Variants in CCSER2 observed in about 807,000 individuals in gnomAD.
CCSER2 encodes the protein coiled-coil serine rich protein 2.
In CCSER2, 46 loss-of-function variants were observed where a neutral mutation model predicts 92.3. That is an observed-to-expected ratio of 0.50 (90% CI 0.39 to 0.64). CCSER2 has a LOEUF of 0.64. Among genes scored for constraint, CCSER2 ranks in the 30% least tolerant of loss-of-function variants. CCSER2 has a pLI of 0.00. For synonymous variants in CCSER2, 433 were observed against 431.4 expected (o/e 1.00, Z -0.04); for missense variants, 1,244 against 1,238.9 (o/e 1.00, Z -0.06).
chr10:84,514,843 G>A lies in CCSER2; in HGVS notation c.*576G>A, dbSNP rs1205508526. 6.5e-6 allele frequency: 1 copy of A among 152,692 alleles called. No individual in the cohort carries two copies. Among genetic ancestry groups the A allele is most frequent in the Non-Finnish European group, 1.5e-5 (1 of 68,122 alleles). The allele number at this position is 152,692 out of a possible 1,614,324, so 9.5% of individuals were successfully genotyped here. A position where few individuals can be genotyped will look rare whatever the true frequency, so the allele number is the denominator to read the frequency against. On this transcript the variant is annotated 3_prime_UTR_variant, in exon 10 of 10. Coordinates refer to ENST00000372088, the MANE Select transcript of CCSER2 (RefSeq NM_001284240.2). ...ATGTAAGTTTTATTTTTCCTTGCCAGGGTCAGTCAGCTAATGTTACTGTTG... is the reference window on the plus strand; with the variant it reads ...ATGTAAGTTTTATTTTTCCTTGCCAAGGTCAGTCAGCTAATGTTACTGTTG...
Position 84,514,165 on chromosome 10 carries a change from A to G in CCSER2, c.3042A>G (p.Thr1014=). ...QAKTSIPRPL[T]QRKEIMQNPN... is the part of the protein sequence containing the mutation. ...AGACAAGCATCCCAAGGCCACTAAC[A>G]CAACGAAAAGAAATCATGCAGAATC... The change falls in exon 10 of 10, where the codon ACA becomes ACG. Residue 1014 remains threonine (T), a synonymous_variant. Coordinates refer to ENST00000372088, the MANE Select transcript of CCSER2 (RefSeq NM_001284240.2). The G allele has an allele frequency of 6.5e-7, 1 of 1,536,370 alleles. No homozygotes were observed. Among genetic ancestry groups the G allele is most frequent in the South Asian group, 1.2e-5 (1 of 84,062 alleles).
chr10:84,390,122 A>C (rs1046341626), intron 3 of CCSER2, among the ~76,000 whole-genome samples: 5 of 152,160 alleles, frequency 3.3e-5, no homozygotes, highest in African/African-American at 1.2e-4. Flanking sequence ...ATTTATGTCC[A>C]CATTATTTAT....
At chr10:84,428,711 A>G (rs1247076875) in intron 5 of CCSER2, among the ~76,000 whole-genome samples, 1 of 152,084 alleles carries the variant, frequency 6.6e-6, no homozygotes, top group East Asian at 1.9e-4. Flanking sequence ...TATTTTAAAT[A>G]TTTTATTGTT....
intron 9 of CCSER2, among the ~76,000 whole-genome samples, chr10:84,503,079 C>T (rs371276847): frequency 2.0e-5 from 3 of 151,924 alleles, no homozygotes; most frequent in African/African-American, 4.8e-5. Flanking sequence ...GAAAAATTAG[C>T]GGGGCGTGGT....
intron 1 of CCSER2, among the ~76,000 whole-genome samples, chr10:84,358,788 C>T (rs1438186110): frequency 6.6e-6 from 1 of 151,988 alleles, no homozygotes; most frequent in Non-Finnish European, 1.5e-5. Flanking sequence ...TTTTCAGGTA[C>T]AGAAGTTCAT....
chr10:84,430,758 A>T (rs1843721409), intron 5 of CCSER2, among the ~76,000 whole-genome samples: 1 of 152,204 alleles, frequency 6.6e-6, no homozygotes. Flanking sequence ...TTTCTTTGAG[A>T]TTCAGCAGTT....
At chr10:84,384,551 G>T (rs1564618388) in intron 3 of CCSER2, among the ~76,000 whole-genome samples, 3 of 152,102 alleles carry the variant, frequency 2.0e-5, no homozygotes, top group African/African-American at 7.2e-5. Flanking sequence ...TGAAGAAAAA[G>T]CATTTGATAA....
intron 1 of CCSER2, among the ~76,000 whole-genome samples, chr10:84,352,691 A>G (rs1206257661): frequency 6.6e-6 from 1 of 152,086 alleles, no homozygotes; most frequent in Non-Finnish European, 1.5e-5. Flanking sequence ...GTGAACTTGG[A>G]CAAATTACTT....
intron 1 of CCSER2, among the ~76,000 whole-genome samples, chr10:84,356,216 A>T (rs546482306): frequency 2.5e-4 from 38 of 152,118 alleles, no homozygotes; most frequent in Non-Finnish European, 3.7e-4. Flanking sequence ...AAGCACAATG[A>T]GATATTTGAT....
intron 5 of CCSER2, among the ~76,000 whole-genome samples, chr10:84,436,881 T>TG (rs1394915484): frequency 6.6e-6 from 1 of 152,196 alleles, no homozygotes; most frequent in Admixed American, 6.5e-5. Flanking sequence ...AATTCAGAGA[T>TG]GTGGGAATAT....
intron 7 of CCSER2, among the ~76,000 whole-genome samples, chr10:84,467,279 A>G (rs1846501643): frequency 1.3e-5 from 2 of 152,114 alleles, no homozygotes; most frequent in Admixed American, 1.3e-4. Flanking sequence ...TTAGATTTAT[A>G]TCTTTAGTCC....
chr10:84,380,920 C>A (rs1169393097), intron 3 of CCSER2, among the ~76,000 whole-genome samples: 1 of 152,146 alleles, frequency 6.6e-6, no homozygotes, highest in African/African-American at 2.4e-5. Flanking sequence ...TGGTCTCGAT[C>A]TCCTGACCTC....
intron 9 of CCSER2, chr10:84,499,750 A>G (rs1283045250): frequency 1.9e-5 from 15 of 779,340 alleles, no homozygotes; most frequent in Non-Finnish European, 2.8e-5. Flanking sequence ...AAAAAAATGA[A>G]ATCTGTCTTC....
At chr10:84,406,838 G>A (rs556264628) in intron 3 of CCSER2, among the ~76,000 whole-genome samples, 17 of 152,144 alleles carry the variant, frequency 1.1e-4, no homozygotes, top group African/African-American at 4.1e-4. Context: ...CTGTAAAAAT[G>A]CAGTTTCTAC....
intron 1 of CCSER2, among the ~76,000 whole-genome samples, chr10:84,332,815 A>G (rs184259550): frequency 6.6e-6 from 1 of 152,168 alleles, no homozygotes. Context: ...AAGATAAAAG[A>G]AAAAAGTCAG....
Position 84,371,450 on chromosome 10 carries a change from C to T in CCSER2, c.398C>T (p.Ser133Leu). 1 of 1,613,776 alleles carries T rather than the reference C, an allele frequency of 6.2e-7. No individual in the cohort carries two copies. The highest frequency in any genetic ancestry group is 8.5e-7 in the Non-Finnish European group (1 of 1,179,854). ...GCAAAGCCATCCACTATGTTTGTGT[C>T]ATCTACAGAGGAGTTAAACCAAAAG... ...KLAKPSTMFVSSTEELNQKSF... is the reference protein window; with the variant it reads ...KLAKPSTMFVLSTEELNQKSF... Residue 133 changes from serine to leucine, a missense_variant, in exon 2 of 10, where the codon TCA (serine) becomes TTA (leucine). Coordinates refer to ENST00000372088, the MANE Select transcript of CCSER2 (RefSeq NM_001284240.2).
At position 84,371,523 on chromosome 10, in the gene CCSER2, A is replaced by G; in HGVS notation, c.471A>G (p.Leu157=). 6.2e-7 allele frequency: 1 copy of G among 1,613,756 alleles called. No homozygotes were observed. The highest frequency in any genetic ancestry group is 8.5e-7 in the Non-Finnish European group (1 of 1,179,754). ...TGGGTAAATTCACCAAAGGCACATT[A>G]TTAGGAAGGACTTCATATTCTTCGA... ...SNLGKFTKGT[L]LGRTSYSSIN... is the part of the protein sequence containing the mutation. The change falls in exon 2 of 10, where the codon TTA becomes TTG. Residue 157 remains leucine (L), a synonymous_variant. Transcript: ENST00000372088.
At position 84,513,460 on chromosome 10, in the gene CCSER2, ACAGCCTTCCAG is replaced by A; in HGVS notation, c.2347_2357del (p.Ser783GlnfsTer21). 1 of 1,607,904 alleles carries A rather than the reference ACAGCCTTCCAG, an allele frequency of 6.2e-7. No homozygotes were observed. Among genetic ancestry groups the A allele is most frequent in the Non-Finnish European group, 8.5e-7 (1 of 1,176,834 alleles). On this transcript the variant is annotated frameshift_variant, in exon 10 of 10. Transcript: ENST00000372088. LOFTEE classifies it high-confidence loss of function. ...TTTAATTTTAACAGCCTCAAGTACTACAGCCTTCCAGCAGCCTTCCCAGACCCACAGATCAC... is the reference window on the plus strand; with the variant it reads ...TTTAATTTTAACAGCCTCAAGTACTACAGCCTTCCCAGACCCACAGATCAC...
intron 9 of CCSER2, among the ~76,000 whole-genome samples, chr10:84,486,819 A>G (rs1413010095): frequency 6.6e-6 from 1 of 152,232 alleles, no homozygotes; most frequent in Non-Finnish European, 1.5e-5. Context: ...GTCCTTGCCC[A>G]TGCCTATGTC....
Sources: allele counts gnomAD v4.1 joint callset (sites outside exome capture counted in the v4.1 genomes callset), GRCh38; gene constraint gnomAD v4.1.1; transcripts MANE v1.5; gene names NCBI Gene and HGNC (gene_info 2026-07-23, HGNC 2026-07-21).